MDGA2: variants seen among roughly 807,000 people sequenced by gnomAD.
MDGA2 encodes MAM domain containing glycosylphosphatidylinositol anchor 2.
In MDGA2, 40 loss-of-function variants were observed where a neutral mutation model predicts 117.8. The ratio of observed to expected loss-of-function variants is 0.34; its 90% CI spans 0.26 to 0.44. The LOEUF is 0.44. Among genes scored for constraint, MDGA2 ranks in the 20% least tolerant of loss-of-function variants. The pLI, the probability that MDGA2 is intolerant of heterozygous loss-of-function variation, is 1.00. For synonymous variants in MDGA2, 452 were observed against 439.0 expected (o/e 1.03, Z -0.37); for missense variants, 1,123 against 1,250.6 (o/e 0.90, Z 1.54).
chr14:47,349,719 T>G (rs541908463), intron 1 of MDGA2, among the ~76,000 whole-genome samples: 6 of 152,238 alleles, frequency 3.9e-5, no homozygotes, highest in Non-Finnish European at 8.8e-5. Context: ...TCTGAAATGT[T>G]TAGAGATAAA....
intron 1 of MDGA2, among the ~76,000 whole-genome samples, chr14:47,566,217 C>T (rs1895916351): frequency 6.6e-6 from 1 of 152,162 alleles, no homozygotes; most frequent in Non-Finnish European, 1.5e-5. Flanking sequence ...GGCTGCTCTA[C>T]TAGAGCTCTC....
At chr14:47,225,763 G>A (rs1379137566) in intron 2 of MDGA2, among the ~76,000 whole-genome samples, 2 of 151,850 alleles carry the variant, frequency 1.3e-5, no homozygotes, top group Non-Finnish European at 2.9e-5. Flanking sequence ...GTATACATAT[G>A]TAACTAACCA....
intron 1 of MDGA2, among the ~76,000 whole-genome samples, chr14:47,306,312 C>T (rs571306288): frequency 6.6e-6 from 1 of 152,292 alleles, no homozygotes; most frequent in East Asian, 1.9e-4. Context: ...GTTTCTTGAT[C>T]GCCATGGAAC....
At chr14:46,871,046 CAG>C (rs1881974531) in intron 14 of MDGA2, 1 of 151,694 alleles carries the variant, frequency 6.6e-6, no homozygotes, top group South Asian at 2.1e-4. Context: ...AAAGAGGAAA[CAG>C]AGTATACATT....
At chr14:47,425,292 T>TA (rs1892664625) in intron 1 of MDGA2, among the ~76,000 whole-genome samples, 1 of 152,192 alleles carries the variant, frequency 6.6e-6, no homozygotes, top group South Asian at 2.1e-4. Flanking sequence ...AAACAGGTTT[T>TA]AAATATTAGT....
chr14:47,101,122 T>TAGATAGAC (rs1390622376), intron 5 of MDGA2, among the ~76,000 whole-genome samples: 2,289 of 94,804 alleles, frequency 0.024, 35 homozygotes, highest in Non-Finnish European at 0.035. Flanking sequence ...GATAGATAGA[T>TAGATAGAC]AGACAGATAG....
intron 1 of MDGA2, among the ~76,000 whole-genome samples, chr14:47,516,544 A>G (rs1894755139): frequency 6.6e-6 from 1 of 152,200 alleles, no homozygotes; most frequent in African/African-American, 2.4e-5. Flanking sequence ...AGATGAAGCC[A>G]ATAAGCCATA....
At chr14:46,924,306 TAAAGTTC>T (rs1884243983) in intron 9 of MDGA2, among the ~76,000 whole-genome samples, 1 of 152,038 alleles carries the variant, frequency 6.6e-6, no homozygotes, top group Admixed American at 6.6e-5. Flanking sequence ...ATTTTATGCA[TAAAGTTC>T]AAACATAAAT....
intron 2 of MDGA2, among the ~76,000 whole-genome samples, chr14:47,227,379 T>A (rs191707416): frequency 6.2e-4 from 95 of 152,244 alleles, no homozygotes; most frequent in Non-Finnish European, 1.0e-3. Context: ...CCCAATTTAT[T>A]TGCAGTGTCA....
intron 8 of MDGA2, among the ~76,000 whole-genome samples, chr14:47,014,844 T>A (rs778888735): frequency 6.6e-6 from 1 of 152,164 alleles, no homozygotes; most frequent in Non-Finnish European, 1.5e-5. Flanking sequence ...CACTTTTAGT[T>A]TCCTTCAAGA....
At chr14:47,334,869 G>C (rs796471269) in intron 1 of MDGA2, among the ~76,000 whole-genome samples, 33 of 152,010 alleles carry the variant, frequency 2.2e-4, no homozygotes, top group African/African-American at 7.9e-4. Flanking sequence ...TCTTTACACT[G>C]AATGGGCAAT....
chr14:47,476,415 T>C (rs1462120956), intron 1 of MDGA2, among the ~76,000 whole-genome samples: 1 of 151,964 alleles, frequency 6.6e-6, no homozygotes, highest in Non-Finnish European at 1.5e-5. Flanking sequence ...TGAGACAAAA[T>C]AAGTGCTTAC....
At chr14:47,045,935 A>T (rs1889245226) in intron 7 of MDGA2, among the ~76,000 whole-genome samples, 1 of 149,564 alleles carries the variant, frequency 6.7e-6, no homozygotes, top group South Asian at 2.1e-4. Context: ...ACTGCACTCC[A>T]GCCTGGGCAA....
intron 1 of MDGA2, among the ~76,000 whole-genome samples, chr14:47,363,037 C>G (rs1371558849): frequency 1.3e-5 from 2 of 152,108 alleles, no homozygotes; most frequent in Non-Finnish European, 2.9e-5. Flanking sequence ...CTTGCAAAAG[C>G]AGCCTCTTTT....
Position 47,018,862 on chromosome 14 carries a change from AAC to A in MDGA2, c.1819+16147_1819+16148del, listed in dbSNP as rs1312780077. Among the ~76,000 whole-genome samples the A allele has an allele frequency of 3.9e-5, 6 of 152,190 alleles. No individual in the cohort carries two copies. In the South Asian group the frequency reaches 1.2e-3, roughly 32 times the overall value. ...TGATGCTGTTGAACTCAAATGTAAA[AAC>A]ACACACCAGACACATATGGCTGTCA... On this transcript the variant is annotated intron_variant, in intron 8 of 16. Transcript: ENST00000399232.
At chr14:47,383,907 A>T (rs576461285) in intron 1 of MDGA2, among the ~76,000 whole-genome samples, 1 of 152,200 alleles carries the variant, frequency 6.6e-6, no homozygotes, top group South Asian at 2.1e-4. Context: ...GAGACAAAAA[A>T]ATTGTCATCT....
rs1250151915 is a variant in MDGA2 at position 47,237,456 on chromosome 14, C to G, written c.421-19261G>C. 5.3e-5 allele frequency among the ~76,000 whole-genome samples: 8 copies of G among 152,116 alleles called. No homozygotes were observed. The East Asian group carries it at 1.4e-3, about 26-fold the overall frequency. ...AGTAGGACTTTTAAACATAGTTTTA[C>G]AGGTAAAAATGATGGCATATTTCTT... On this transcript the variant is annotated intron_variant, in intron 2 of 16. Transcript: ENST00000399232.
At chr14:47,508,383 GTA>G (rs151191240) in intron 1 of MDGA2, among the ~76,000 whole-genome samples, 1 of 71,310 alleles carries the variant, frequency 1.4e-5, no homozygotes, top group Non-Finnish European at 2.8e-5. Flanking sequence ...CTCTCTCTCT[GTA>G]TATATATATA....
chr14:47,272,637 A>C (rs1888182539), intron 2 of MDGA2, among the ~76,000 whole-genome samples: 1 of 152,136 alleles, frequency 6.6e-6, no homozygotes, highest in South Asian at 2.1e-4. Flanking sequence ...GAAGAAGAAA[A>C]GGGAATACAG....
Sources: allele counts gnomAD v4.1 joint callset (sites outside exome capture counted in the v4.1 genomes callset), GRCh38; gene constraint gnomAD v4.1.1; transcripts MANE v1.5; gene names NCBI Gene and HGNC (gene_info 2026-07-23, HGNC 2026-07-21).